The following IFFO1 variants were observed in gnomAD, a reference collection of about 807,000 sequenced individuals.
IFFO1 encodes intermediate filament family orphan 1, also known as non-homologous end joining factor IFFO1.
A neutral mutation model predicts 59.6 loss-of-function variants in IFFO1; 42 were observed. The ratio of observed to expected loss-of-function variants is 0.70; its 90% CI spans 0.55 to 0.91. The LOEUF is 0.91. Ranked by LOEUF, IFFO1 falls within the 40% of genes least tolerant of loss-of-function variation. The probability of loss-of-function intolerance (pLI) is 0.00; values close to 1 mark genes in which losing one functional copy is unlikely to be tolerated. For synonymous variants in IFFO1, 336 were observed against 342.8 expected (o/e 0.98, Z 0.22); for missense variants, 711 against 793.2 (o/e 0.90, Z 1.24).
At chr12:6,539,498 T>A (rs1365523526), downstream of IFFO1, 1 of 151,580 alleles carries the variant, frequency 6.6e-6, no homozygotes, top group Non-Finnish European at 1.5e-5. Context: ...TAGTGAATAT[T>A]AGGAAGTGCT....
intron 1 of IFFO1, chr12:6,551,414 C>T: frequency 7.7e-7 from 1 of 1,300,928 alleles, no homozygotes; most frequent in South Asian, 1.2e-5. Flanking sequence ...TCGCACAGAT[C>T]CGGGCTCCCG....
chr12:6,551,826 G>A lies in IFFO1; in HGVS notation c.774-825C>T, dbSNP rs1177666126. The stretch of plus-strand genomic sequence containing the variant: ...CAGAGATTAAGACTGCAAGTGGGCC[G>A]GACGACACCCTGGGCCACAGGGCAG... On this transcript the variant is annotated intron_variant, in intron 1 of 9. Transcript: ENST00000619571. The A allele has an allele frequency of 2.0e-5, 6 of 298,708 alleles. No individual in the cohort carries two copies. The East Asian group carries it at 3.4e-4, about 17-fold the overall frequency. 18.5% of individuals were successfully genotyped at this position (298,708 alleles called of 1,614,324 possible).
At chr12:6,546,482 C>T (rs183137272) in intron 8 of IFFO1, among the ~76,000 whole-genome samples, 1 of 152,280 alleles carries the variant, frequency 6.6e-6, no homozygotes, top group East Asian at 1.9e-4. Flanking sequence ...ACAAATCCTT[C>T]TTCCTTTGTT....
At chr12:6,551,416 G>C (rs909550501) in intron 1 of IFFO1, 7 of 1,300,520 alleles carry the variant, frequency 5.4e-6, no homozygotes, top group Non-Finnish European at 7.0e-6. Flanking sequence ...GCACAGATCC[G>C]GGCTCCCGCC....
At chr12:6,552,725 G>C (rs1947282922) in intron 1 of IFFO1, among the ~76,000 whole-genome samples, 1 of 152,164 alleles carries the variant, frequency 6.6e-6, no homozygotes, top group Non-Finnish European at 1.5e-5. Context: ...GGCAGTTATA[G>C]CTAAAGGTTA....
rs1365062668 is a variant in IFFO1, at chr12:6,555,681, G to A, written c.349C>T (p.Arg117Trp). Reference sequence around the variant, plus strand: ...GCCTGGTCGCGACGACCCAGGCCCCGCCGGCCCTGCTTACCCTCCTCCAGC... The same window carrying A: ...GCCTGGTCGCGACGACCCAGGCCCCACCGGCCCTGCTTACCCTCCTCCAGC... ...QALEEGKQGR[R>W]GLGRRDQAVQ... The change falls in exon 1 of 10, where the codon CGG (arginine) becomes TGG (tryptophan). Residue 117 changes from arginine (R) to tryptophan (W), a missense_variant. This residue lies in a region of IFFO1 where 579 missense variants were observed against 650.3 expected (regional missense o/e 0.89). Coordinates refer to ENST00000619571, the MANE Select transcript of IFFO1 (RefSeq NM_001193457.2). The surrounding 1 kb of genome is among the most constrained non-coding windows in gnomAD (Gnocchi z 8.6). The A allele has an allele frequency of 1.9e-6, 3 of 1,608,952 alleles. No homozygotes were observed. The highest frequency in any genetic ancestry group is 1.3e-5 in the African/African-American group (1 of 74,418).
At chr12:6,540,699 G>A in intron 9 of IFFO1, 111 bp from the exon 10 acceptor site, 1 of 939,056 alleles carries the variant, frequency 1.1e-6, no homozygotes, top group East Asian at 2.6e-5. Flanking sequence ...AGTACCGGAA[G>A]CGAGGGCGGG....
intron 1 of IFFO1, chr12:6,551,743 GGGC>G: frequency 2.9e-6 from 1 of 350,426 alleles, no homozygotes; most frequent in African/African-American, 2.1e-5. Flanking sequence ...GTATGTAAAG[GGGC>G]CCGGTGAGTA....
At position 6,555,529 on chromosome 12, in the gene IFFO1, G is replaced by A; in HGVS notation, c.501C>T (p.Leu167=). 1.3e-6 allele frequency: 2 copies of A among 1,557,804 alleles called. No individual in the cohort carries two copies. The highest frequency in any genetic ancestry group is 1.4e-5 in the African/African-American group (1 of 72,232). ...GSPARSPAGP[L]APSAASLSSS... is the part of the protein sequence containing the mutation. ...ACGAGAGGCTGGCCGCGGAGGGCGCGAGGGGGCCGGCCGGGGAGCGCGCGG... is the reference window on the plus strand; with the variant it reads ...ACGAGAGGCTGGCCGCGGAGGGCGCAAGGGGGCCGGCCGGGGAGCGCGCGG... The change falls in exon 1 of 10, where the codon CTC becomes CTT. Residue 167 remains leucine, a synonymous_variant. Coordinates refer to ENST00000619571, the MANE Select transcript of IFFO1 (RefSeq NM_001193457.2). This position sits in a 1 kb window ranked among gnomAD's most constrained non-coding sequence, Gnocchi z 8.6.
Position 6,552,140 on chromosome 12 carries a change from A to G in IFFO1, c.774-1139T>C, listed in dbSNP as rs562551548. Among the ~76,000 whole-genome samples the G allele has an allele frequency of 7.9e-5, 12 of 152,344 alleles. No homozygotes were observed. In the East Asian group the frequency reaches 2.3e-3, roughly 29 times the overall value. On this transcript the variant is annotated intron_variant, in intron 1 of 9. Coordinates refer to ENST00000619571, the MANE Select transcript of IFFO1 (RefSeq NM_001193457.2). ...GGAAGGGGCCAAGAAGACAGCAAGA[A>G]AATTAAAATCTGAGTGGGCAGCTTC...
intron 1 of IFFO1, among the ~76,000 whole-genome samples, chr12:6,552,578 C>T (rs1947276987): frequency 1.3e-5 from 2 of 152,186 alleles, no homozygotes; most frequent in South Asian, 2.1e-4. Context: ...TGCCCTCATG[C>T]GCCGGGAGCC....
At position 6,546,656 on chromosome 12, in the gene IFFO1, T is replaced by A. The variant is rs529939333; in HGVS notation, c.1479+1409A>T. Reference sequence around the variant, plus strand: ...CTGCCACCACGGCCAGCTAATTTTTTTTTTTTGTATTTTTCGTAGAGACGG... The same window carrying A: ...CTGCCACCACGGCCAGCTAATTTTTATTTTTTGTATTTTTCGTAGAGACGG... On this transcript the variant is annotated intron_variant, in intron 8 of 9. Coordinates refer to ENST00000619571, the MANE Select transcript of IFFO1 (RefSeq NM_001193457.2). 9.9e-5 allele frequency among the ~76,000 whole-genome samples: 15 copies of A among 152,232 alleles called. No individual in the cohort carries two copies. In the South Asian group the frequency reaches 2.9e-3, roughly 29 times the overall value.
intron 8 of IFFO1, among the ~76,000 whole-genome samples, chr12:6,544,265 C>T (rs931094597): frequency 2.0e-5 from 3 of 151,288 alleles, no homozygotes; most frequent in African/African-American, 7.3e-5. Flanking sequence ...CTCCCAGATT[C>T]CAGCAATTCT....
Position 6,548,385 on chromosome 12 carries a change from G to T in IFFO1, c.1383+40C>A. On this transcript the variant is annotated intron_variant, in intron 7 of 9. Coordinates refer to ENST00000619571, the MANE Select transcript of IFFO1 (RefSeq NM_001193457.2). The surrounding 1 kb of genome is among the most constrained non-coding windows in gnomAD (Gnocchi z 6.1). ...GGGGGAGTGGGCTTCAGGCTGGAGA[G>T]GCAGAGCCAGAGGGCCCTGAGGCCG... is the stretch of plus-strand genomic sequence containing the variant. The T allele has an allele frequency of 6.3e-7, 1 of 1,580,740 alleles. No homozygotes were observed. Among genetic ancestry groups the T allele is most frequent in the Non-Finnish European group, 8.6e-7 (1 of 1,163,986 alleles).
rs1383126465 is a variant in IFFO1 at position 6,549,419 on chromosome 12, A to G, written c.1080+57T>C. The G allele has an allele frequency of 1.2e-6, 2 of 1,607,024 alleles. No homozygotes were observed. The highest frequency in any genetic ancestry group is 8.5e-7 in the Non-Finnish European group (1 of 1,173,700). On this transcript the variant is annotated intron_variant, in intron 5 of 9. Coordinates refer to ENST00000619571, the MANE Select transcript of IFFO1 (RefSeq NM_001193457.2). The surrounding 1 kb of genome is among the most constrained non-coding windows in gnomAD (Gnocchi z 5.0). Reference sequence around the variant, plus strand: ...GCCCAAACTGAGGGCCAGGAGGCCTAGGCAGCTTAGAAACTGGGACTGGGA... The same window carrying G: ...GCCCAAACTGAGGGCCAGGAGGCCTGGGCAGCTTAGAAACTGGGACTGGGA...
intron 1 of IFFO1, chr12:6,551,463 T>C (rs1208393363): frequency 4.6e-6 from 6 of 1,293,576 alleles, no homozygotes; most frequent in Non-Finnish European, 6.1e-6. Flanking sequence ...TCGAGCCCGC[T>C]GCCCTGCCTC....
At chr12:6,554,032 G>A (rs762476263) in intron 1 of IFFO1, among the ~76,000 whole-genome samples, 156 of 151,028 alleles carry the variant, frequency 1.0e-3, no homozygotes, top group African/African-American at 1.8e-3. Context: ...CAGTGTTTAC[G>A]AAATCCTGTA....
intron 9 of IFFO1, 139 bp from the exon 10 acceptor site, chr12:6,540,727 G>A (rs940887728): frequency 1.9e-4 from 136 of 727,036 alleles, no homozygotes; most frequent in Non-Finnish European, 1.5e-4. Flanking sequence ...GATGGCGAGG[G>A]AGCGGCAGGG....
At chr12:6,544,477 C>T (rs887177271) in intron 8 of IFFO1, among the ~76,000 whole-genome samples, 1 of 152,100 alleles carries the variant, frequency 6.6e-6, no homozygotes, top group Non-Finnish European at 1.5e-5. Context: ...CCAAAAATAG[C>T]TTAAAAGGCA....
Sources: allele counts gnomAD v4.1 joint callset (sites outside exome capture counted in the v4.1 genomes callset), GRCh38; gene constraint gnomAD v4.1.1; regional missense constraint gnomAD v4.1.1; non-coding constraint Gnocchi (gnomAD v3.1); transcripts MANE v1.5; gene names NCBI Gene and HGNC (gene_info 2026-07-23, HGNC 2026-07-21).